Variants in GMEB1 observed in about 807,000 individuals in gnomAD.
GMEB1 encodes the protein glucocorticoid modulatory element binding protein 1.
A neutral mutation model predicts 52.4 loss-of-function variants in GMEB1; 6 were observed. That is an observed-to-expected ratio of 0.11 (90% CI 0.06 to 0.23). GMEB1 has a LOEUF of 0.23. Ranked by LOEUF, GMEB1 falls within the 10% of genes least tolerant of loss-of-function variation. The pLI, the probability that GMEB1 is intolerant of heterozygous loss-of-function variation, is 1.00. For synonymous variants in GMEB1, 255 were observed against 244.9 expected (o/e 1.04, Z -0.38); for missense variants, 486 against 685.6 (o/e 0.71, Z 3.25).
chr1:28,681,517 C>G (rs1023579514), intron 1 of GMEB1, among the ~76,000 whole-genome samples: 1 of 152,104 alleles, frequency 6.6e-6, no homozygotes, highest in East Asian at 1.9e-4. Context: ...TTATGCTATG[C>G]TCAGAGTACA....
At chr1:28,708,659 C>T (rs771918139) in intron 8 of GMEB1, among the ~76,000 whole-genome samples, 8 of 151,642 alleles carry the variant, frequency 5.3e-5, no homozygotes, top group East Asian at 2.0e-4. Context: ...TTAGTAGCAA[C>T]GGGGTTTCAC....
In GMEB1 at chr1:28,688,522, C is replaced by T. The variant is rs1193866770; in HGVS notation, c.129-1582C>T. ...ATATATCAAGTTACATTATCTGAGCCCATAAATGTAGAGATATCTTGGAGA... is the reference window on the plus strand; with the variant it reads ...ATATATCAAGTTACATTATCTGAGCTCATAAATGTAGAGATATCTTGGAGA... On this transcript the variant is annotated intron_variant, in intron 2 of 9. Transcript: ENST00000373816. Among the ~76,000 whole-genome samples the T allele has an allele frequency of 3.9e-5, 6 of 152,102 alleles. No homozygotes were observed. The East Asian group carries it at 1.2e-3, about 29-fold the overall frequency.
intron 8 of GMEB1, among the ~76,000 whole-genome samples, chr1:28,706,975 TG>T (rs774459882): frequency 7.2e-4 from 78 of 108,962 alleles, no homozygotes; most frequent in African/African-American, 2.4e-3. Context: ...CCTCCAGATT[TG>T]GTTTTTTTTT....
intron 8 of GMEB1, among the ~76,000 whole-genome samples, chr1:28,706,894 T>C (rs529319707): frequency 8.1e-4 from 123 of 151,474 alleles, no homozygotes; most frequent in Non-Finnish European, 1.5e-3. Context: ...CCTGAATTCC[T>C]GACCTCCGGT....
At position 28,718,177 on chromosome 1, in the gene GMEB1, T is replaced by C. The variant is rs987060646; in HGVS notation, c.*3404T>C. On this transcript the variant is annotated 3_prime_UTR_variant, in exon 10 of 10. Coordinates refer to ENST00000373816, the MANE Select transcript of GMEB1 (RefSeq NM_001319674.2). The stretch of plus-strand genomic sequence containing the variant: ...TTGGTAGTAGGCATTTGTCTTTCTG[T>C]TCATGCATTGAATAAACATTTTTAA... The C allele has an allele frequency of 3.9e-5, 6 of 152,228 alleles. No individual in the cohort carries two copies. Among genetic ancestry groups the C allele is most frequent in the African/African-American group, 1.4e-4 (6 of 41,454 alleles). 9.4% of individuals were successfully genotyped at this position (152,228 alleles called of 1,614,324 possible). A position where few individuals can be genotyped will look rare whatever the true frequency, so the allele number is the denominator to read the frequency against.
chr1:28,694,856 G>C (rs1222365332), intron 5 of GMEB1, among the ~76,000 whole-genome samples: 2 of 150,568 alleles, frequency 1.3e-5, no homozygotes, highest in Non-Finnish European at 2.9e-5. Flanking sequence ...TAGAGACAGG[G>C]TTTCACCATA....
chr1:28,678,262 G>C (rs1669243643), intron 1 of GMEB1, among the ~76,000 whole-genome samples: 1 of 151,900 alleles, frequency 6.6e-6, no homozygotes, highest in South Asian at 2.1e-4. Context: ...GGGCTCCAAA[G>C]CCAAGAGAGG....
chr1:28,694,439 C>A (rs1304760927), intron 5 of GMEB1, among the ~76,000 whole-genome samples: 2 of 151,470 alleles, frequency 1.3e-5, no homozygotes, highest in Non-Finnish European at 2.9e-5. Flanking sequence ...CCTGATCCAC[C>A]CGCCTTGGCC....
chr1:28,680,785 G>A lies in GMEB1; in HGVS notation c.-30-2798G>A, dbSNP rs1669356069. 2.6e-5 allele frequency among the ~76,000 whole-genome samples: 4 copies of A among 151,348 alleles called. No homozygotes were observed. The South Asian group carries it at 8.4e-4, about 32-fold the overall frequency. ...TTGGAATCCTTGGCCAGGCATGGTG[G>A]CTCATCCCAGCACTTTGGGAGGCCG... is the stretch of plus-strand genomic sequence containing the variant. On this transcript the variant is annotated intron_variant, in intron 1 of 9. Transcript: ENST00000373816.
At chr1:28,668,494 C>T (rs1257480011), upstream of GMEB1, among the ~76,000 whole-genome samples, 6 of 152,078 alleles carry the variant, frequency 3.9e-5, no homozygotes, top group Non-Finnish European at 8.8e-5. Context: ...TAGCTTGGCC[C>T]TCAATTGTGG....
intron 5 of GMEB1, among the ~76,000 whole-genome samples, chr1:28,693,731 G>A (rs1570409983): frequency 1.3e-5 from 2 of 151,972 alleles, no homozygotes; most frequent in South Asian, 2.1e-4. Flanking sequence ...GATTACAGGC[G>A]TGAGCCACTG....
In GMEB1 at chr1:28,702,586, C is replaced by T. The variant is rs758874233; in HGVS notation, c.730+17C>T. The T allele has an allele frequency of 1.2e-6, 2 of 1,609,912 alleles. No homozygotes were observed. Among genetic ancestry groups the T allele is most frequent in the East Asian group, 4.5e-5 (2 of 44,750 alleles). On this transcript the variant is annotated intron_variant, in intron 7 of 9. Transcript: ENST00000373816. ...AAATTTCAGGTATTCTTCTATAGGGCTCAGATGTCTTGCAGGGTCTTGTGA... is the reference window on the plus strand; with the variant it reads ...AAATTTCAGGTATTCTTCTATAGGGTTCAGATGTCTTGCAGGGTCTTGTGA...
chr1:28,710,839 C>G (rs1671027955), intron 9 of GMEB1, among the ~76,000 whole-genome samples, 197 bp downstream of exon 9: 1 of 151,510 alleles, frequency 6.6e-6, no homozygotes. Context: ...AAAAAGGAAG[C>G]TGCCATCATA....
chr1:28,697,438 C>T (rs944193932), intron 6 of GMEB1, among the ~76,000 whole-genome samples: 1 of 151,928 alleles, frequency 6.6e-6, no homozygotes, highest in Admixed American at 6.6e-5. Context: ...GAACTCCCAA[C>T]CTCAGGTGAT....
At position 28,691,585 on chromosome 1, in the gene GMEB1, A is replaced by G; in HGVS notation, c.212A>G (p.Asp71Gly). 1 of 1,538,272 alleles carries G rather than the reference A, an allele frequency of 6.5e-7. No individual in the cohort carries two copies. The highest frequency in any genetic ancestry group is 8.8e-7 in the Non-Finnish European group (1 of 1,130,628). The change falls in exon 4 of 10, where the codon GAT becomes GGT. Residue 71 changes from aspartate to glycine, a missense_variant and splice_region_variant. Transcript: ENST00000373816. ...HTIHKIEEGI[D>G]TGTIEANEDM... ...TAACTGATATTTTTTCTGTTTTCAG[A>G]TACAGGCACTATAGAAGCAAATGAG...
chr1:28,709,002 C>T (rs942412780), intron 8 of GMEB1, among the ~76,000 whole-genome samples: 2 of 151,812 alleles, frequency 1.3e-5, no homozygotes, highest in Non-Finnish European at 2.9e-5. Flanking sequence ...GGCATTGTGG[C>T]GGGCGCCTGT....
chr1:28,697,297 C>G (rs1307911143), intron 6 of GMEB1, among the ~76,000 whole-genome samples: 2 of 151,294 alleles, frequency 1.3e-5, no homozygotes. Flanking sequence ...CAACCTCTGC[C>G]TCCTGGGTTC....
rs894567870 is a variant in GMEB1 at position 28,683,506 on chromosome 1, G to T, written c.-30-77G>T. 1.2e-5 allele frequency: 15 copies of T among 1,265,152 alleles called. No homozygotes were observed. The African/African-American group carries it at 1.8e-4, about 15-fold the overall frequency. The allele number at this position is 1,265,152 out of a possible 1,614,324, so 78.4% of individuals were successfully genotyped here. On this transcript the variant is annotated intron_variant, in intron 1 of 9. Coordinates refer to ENST00000373816, the MANE Select transcript of GMEB1 (RefSeq NM_001319674.2). ...GGCCTCCCAAAGTGCTGGGATTCCAGGCGTGAGCCACCATGCCCGGCCTGT... is the reference window on the plus strand; with the variant it reads ...GGCCTCCCAAAGTGCTGGGATTCCATGCGTGAGCCACCATGCCCGGCCTGT...
chr1:28,672,750 T>TG (rs1004019746), intron 1 of GMEB1, among the ~76,000 whole-genome samples: 6 of 148,630 alleles, frequency 4.0e-5, no homozygotes, highest in Non-Finnish European at 8.9e-5. Context: ...TTTTTTTTTT[T>TG]TTTTTGTTTT....
Sources: allele counts gnomAD v4.1 joint callset (sites outside exome capture counted in the v4.1 genomes callset), GRCh38; gene constraint gnomAD v4.1.1; transcripts MANE v1.5; gene names NCBI Gene and HGNC (gene_info 2026-07-23, HGNC 2026-07-21).